CCSER1: variants seen among roughly 807,000 people sequenced by gnomAD.
The protein encoded by CCSER1 is coiled-coil serine rich protein 1.
In CCSER1, 41 loss-of-function variants were observed where a neutral mutation model predicts 82.0. The observed-to-expected ratio is 0.50, with a 90% CI of 0.39 to 0.65. The LOEUF (loss-of-function observed/expected upper bound fraction) is 0.65. Among genes scored for constraint, CCSER1 ranks in the 30% least tolerant of loss-of-function variants. The pLI is 0.00. For synonymous variants in CCSER1, 414 were observed against 383.9 expected (o/e 1.08, Z -0.92); for missense variants, 1,119 against 1,064.2 (o/e 1.05, Z -0.72).
chr4:91,391,300 G>C (rs946618653), intron 10 of CCSER1, among the ~76,000 whole-genome samples: 2 of 151,846 alleles, frequency 1.3e-5, no homozygotes, highest in African/African-American at 2.4e-5. Flanking sequence ...TCACCTATCT[G>C]TTATTTTTAT....
chr4:91,503,623 T>C (rs1759335586), intron 10 of CCSER1, among the ~76,000 whole-genome samples: 2 of 152,258 alleles, frequency 1.3e-5, no homozygotes, highest in Non-Finnish European at 2.9e-5. Flanking sequence ...AGGAGCAGTA[T>C]CTAAACTTTT....
intron 5 of CCSER1, among the ~76,000 whole-genome samples, chr4:90,524,464 TG>T (rs888877227): frequency 1.8e-4 from 28 of 152,226 alleles, no homozygotes; most frequent in African/African-American, 6.7e-4. Flanking sequence ...TTGTTTTTTT[TG>T]TTGTTGTTGT....
chr4:91,356,908 A>T (rs1748873029), intron 10 of CCSER1, among the ~76,000 whole-genome samples: 1 of 152,212 alleles, frequency 6.6e-6, no homozygotes, highest in African/African-American at 2.4e-5. Context: ...GAAAACAGCT[A>T]CCATACAGCC....
At chr4:91,363,934 A>G (rs1315932745) in intron 10 of CCSER1, among the ~76,000 whole-genome samples, 2 of 151,614 alleles carry the variant, frequency 1.3e-5, no homozygotes, top group East Asian at 1.9e-4. Flanking sequence ...ATGGATTTGG[A>G]TCTTTAGTCT....
chr4:90,382,244 A>C (rs1749317162), intron 3 of CCSER1, among the ~76,000 whole-genome samples: 1 of 152,066 alleles, frequency 6.6e-6, no homozygotes, highest in African/African-American at 2.4e-5. Flanking sequence ...TTTTTATCCT[A>C]ATAATATTTT....
intron 3 of CCSER1, among the ~76,000 whole-genome samples, chr4:90,392,506 C>T (rs1048907975): frequency 9.9e-5 from 15 of 152,008 alleles, no homozygotes; most frequent in African/African-American, 3.4e-4. Context: ...CTGGGCATAC[C>T]TTTCAGAATC....
chr4:91,225,333 TTATATATGTAA>T (rs1193214969), intron 10 of CCSER1, among the ~76,000 whole-genome samples: 2 of 134,394 alleles, frequency 1.5e-5, no homozygotes, highest in Admixed American at 8.0e-5. Context: ...TGTATATATA[TTATATATGTAA>T]TATATATGTA....
intron 4 of CCSER1, among the ~76,000 whole-genome samples, chr4:90,424,058 T>G (rs1578402872): frequency 6.7e-6 from 1 of 150,318 alleles, no homozygotes; most frequent in East Asian, 2.0e-4. Flanking sequence ...GCCACTGCGC[T>G]CCAGCCTGGG....
intron 9 of CCSER1, among the ~76,000 whole-genome samples, chr4:90,930,633 GA>G (rs988094074): frequency 1.2e-4 from 18 of 148,010 alleles, no homozygotes; most frequent in African/African-American, 2.7e-4. Context: ...AAAAGGAAAA[GA>G]AAAAAAAAGT....
intron 1 of CCSER1, among the ~76,000 whole-genome samples, chr4:90,172,676 A>G (rs1376121335): frequency 6.6e-6 from 1 of 151,890 alleles, no homozygotes; most frequent in Non-Finnish European, 1.5e-5. Context: ...AAATTCAGGT[A>G]TTCTAGCTCT....
intron 8 of CCSER1, among the ~76,000 whole-genome samples, chr4:90,877,857 T>C (rs1384448864): frequency 6.6e-6 from 1 of 152,154 alleles, no homozygotes; most frequent in African/African-American, 2.4e-5. Flanking sequence ...CAAGTAGTCT[T>C]TCTTTAGCTA....
chr4:90,509,535 A>G (rs972808356), intron 5 of CCSER1, among the ~76,000 whole-genome samples: 13 of 152,166 alleles, frequency 8.5e-5, no homozygotes, highest in Admixed American at 8.5e-4. Flanking sequence ...ACTATGTGAA[A>G]TGCAATTTCC....
chr4:90,564,046 C>G (rs779363560), intron 5 of CCSER1, among the ~76,000 whole-genome samples: 1 of 152,164 alleles, frequency 6.6e-6, no homozygotes, highest in Non-Finnish European at 1.5e-5. Context: ...TGGTGTTGAG[C>G]ATTTTCTCAC....
intron 5 of CCSER1, among the ~76,000 whole-genome samples, chr4:90,532,684 A>G (rs933279882): frequency 2.0e-5 from 3 of 152,208 alleles, no homozygotes; most frequent in African/African-American, 7.2e-5. Flanking sequence ...GTTTCTTTAT[A>G]TCAAAATAAT....
chr4:90,902,081 G>C (rs1724742060), intron 8 of CCSER1, among the ~76,000 whole-genome samples: 1 of 151,142 alleles, frequency 6.6e-6, no homozygotes, highest in African/African-American at 2.4e-5. Flanking sequence ...TATTGTTAAA[G>C]CTTTCAATTG....
chr4:90,193,721 C>T (rs924503020), intron 1 of CCSER1, among the ~76,000 whole-genome samples: 2 of 151,866 alleles, frequency 1.3e-5, no homozygotes, highest in Non-Finnish European at 2.9e-5. Flanking sequence ...ACACTTTTAA[C>T]TGCAGGAAGA....
chr4:90,202,869 C>A (rs1738035240), intron 1 of CCSER1, among the ~76,000 whole-genome samples: 1 of 152,126 alleles, frequency 6.6e-6, no homozygotes, highest in African/African-American at 2.4e-5. Flanking sequence ...TCTAATGGCT[C>A]ATATAAATTG....
At chr4:91,188,039 G>A (rs557912215) in intron 10 of CCSER1, among the ~76,000 whole-genome samples, 3 of 151,742 alleles carry the variant, frequency 2.0e-5, no homozygotes, top group Non-Finnish European at 4.4e-5. Context: ...CAGAGTCCAA[G>A]ATTAAAAGAA....
At chr4:91,044,017 T>G (rs1742219645) in intron 9 of CCSER1, among the ~76,000 whole-genome samples, 1 of 152,194 alleles carries the variant, frequency 6.6e-6, no homozygotes, top group Non-Finnish European at 1.5e-5. Flanking sequence ...AAATAAAGAC[T>G]TTATACATAC....
Sources: gnomAD v4.1 joint callset for allele counts (sites outside exome capture counted in the v4.1 genomes callset) on GRCh38, gnomAD v4.1.1 for gene constraint, MANE v1.5 for transcripts, NCBI Gene and HGNC (gene_info 2026-07-23, HGNC 2026-07-21) for gene names.